Variants in KIAA1328 observed in about 807,000 individuals in gnomAD.
The protein encoded by KIAA1328 is KIAA1328, also known as protein hinderin.
A neutral mutation model predicts 68.1 loss-of-function variants in KIAA1328; 52 were observed. That is an observed-to-expected ratio of 0.76 (90% CI 0.61 to 0.96). The LOEUF (loss-of-function observed/expected upper bound fraction) is 0.96, where lower values mean the gene tolerates loss of function less well. KIAA1328 is among the 40% of genes least tolerant of loss of function. The probability of loss-of-function intolerance (pLI) is 0.00; values close to 1 mark genes in which losing one functional copy is unlikely to be tolerated. For missense variants in KIAA1328, 641 were observed against 677.6 expected, an observed-to-expected ratio of 0.95 and a Z score of 0.60; for synonymous variants, 232 against 239.4, an observed-to-expected ratio of 0.97 and a Z score of 0.28.
intron 1 of KIAA1328, among the ~76,000 whole-genome samples, chr18:36,832,439 A>T (rs1247044451): frequency 1.3e-5 from 2 of 151,896 alleles, no homozygotes; most frequent in East Asian, 1.9e-4. Flanking sequence ...TACAAAAAAA[A>T]TTAGCCAGGT....
At chr18:36,921,095 C>G (rs190921953) in intron 5 of KIAA1328, 1 of 152,318 alleles carries the variant, frequency 6.6e-6, no homozygotes, top group Non-Finnish European at 1.5e-5. Context: ...TCTGTCCTTT[C>G]TCCAACATCT....
rs974444347 is a variant in KIAA1328 at position 36,949,828 on chromosome 18, G to C, written c.449-9480G>C. The stretch of plus-strand genomic sequence containing the variant: ...AGAGCATTGAGTTTTCCACTGTTTT[G>C]TGCTTTATTACCCTCCCCCAATGGA... On this transcript the variant is annotated intron_variant, in intron 5 of 9. Coordinates refer to ENST00000280020, the MANE Select transcript of KIAA1328 (RefSeq NM_020776.3). Among the ~76,000 whole-genome samples, 7 of 40,802 alleles carry C rather than the reference G, an allele frequency of 1.7e-4. No homozygotes were observed. The Admixed American group carries it at 2.2e-3, about 13-fold the overall frequency. The allele number at this position is 40,802 out of a possible 152,430, so 26.8% of individuals were successfully genotyped here.
rs2060599554 is a variant in KIAA1328, at chr18:37,223,435, C to T, written c.*1208C>T. ...AGCTTGCAGTGGTCCCTAGTAGCCT[C>T]TCAAGCTAATGGGGATGATGATCCT... On this transcript the variant is annotated 3_prime_UTR_variant, in exon 10 of 10. Coordinates refer to ENST00000280020, the MANE Select transcript of KIAA1328 (RefSeq NM_020776.3). 1.0e-6 allele frequency: 1 copy of T among 985,314 alleles called. No individual in the cohort carries two copies. Among genetic ancestry groups the T allele is most frequent in the African/African-American group, 1.7e-5 (1 of 57,232 alleles). The allele number at this position is 985,314 out of a possible 1,614,324, so 61.0% of individuals were successfully genotyped here.
intron 1 of KIAA1328, among the ~76,000 whole-genome samples, chr18:36,830,429 C>T (rs1486570931): frequency 6.6e-6 from 1 of 152,150 alleles, no homozygotes; most frequent in Non-Finnish European, 1.5e-5. Context: ...CTGTGGACAA[C>T]TGGGCTGAAT....
rs530942458 is a variant in KIAA1328 at position 37,217,894 on chromosome 18, T to G, written c.1524-4123T>G. Among the ~76,000 whole-genome samples, 6 of 152,338 alleles carry G rather than the reference T, an allele frequency of 3.9e-5. No homozygotes were observed. The East Asian group carries it at 5.8e-4, about 15-fold the overall frequency. On this transcript the variant is annotated intron_variant, in intron 9 of 9. Coordinates refer to ENST00000280020, the MANE Select transcript of KIAA1328 (RefSeq NM_020776.3). ...TTTTACTCTTTTTTCTCTAAACTTCTTGCTTCATTTCATTTGTTATAGCCA... is the reference window on the plus strand; with the variant it reads ...TTTTACTCTTTTTTCTCTAAACTTCGTGCTTCATTTCATTTGTTATAGCCA...
intron 7 of KIAA1328, among the ~76,000 whole-genome samples, chr18:37,098,978 A>T (rs2057508904): frequency 6.6e-6 from 1 of 151,596 alleles, no homozygotes; most frequent in African/African-American, 2.4e-5. Flanking sequence ...CTTCTTTATT[A>T]GTCTTGCTTG....
intron 6 of KIAA1328, among the ~76,000 whole-genome samples, chr18:36,979,462 A>T (rs1226986857): frequency 1.3e-5 from 2 of 152,194 alleles, no homozygotes; most frequent in African/African-American, 4.8e-5. Context: ...ATTTGGATGA[A>T]GATAATAGGA....
chr18:36,860,230 T>TA (rs1353909138), intron 4 of KIAA1328, among the ~76,000 whole-genome samples: 7 of 152,202 alleles, frequency 4.6e-5, no homozygotes, highest in African/African-American at 1.4e-4. Context: ...CATATATGTT[T>TA]AAAAGAATAC....
At chr18:37,155,618 A>T (rs1044452405) in intron 7 of KIAA1328, among the ~76,000 whole-genome samples, 15 of 152,158 alleles carry the variant, frequency 9.9e-5, no homozygotes, top group African/African-American at 3.4e-4. Context: ...CCCATTCTCT[A>T]AATGGTGCCA....
intron 7 of KIAA1328, among the ~76,000 whole-genome samples, chr18:37,148,457 G>C (rs964321669): frequency 2.0e-5 from 3 of 152,046 alleles, no homozygotes; most frequent in African/African-American, 7.2e-5. Flanking sequence ...TGTTATCTTT[G>C]TAATTCAATG....
chr18:36,976,033 A>C (rs770729482), intron 6 of KIAA1328, among the ~76,000 whole-genome samples: 36 of 152,370 alleles, frequency 2.4e-4, no homozygotes, highest in Admixed American at 5.2e-4. Flanking sequence ...CTACCCTGAA[A>C]GAAGAAATCT....
intron 6 of KIAA1328, among the ~76,000 whole-genome samples, chr18:37,056,366 C>G (rs945083855): frequency 6.6e-6 from 1 of 151,392 alleles, no homozygotes; most frequent in Non-Finnish European, 1.5e-5. Flanking sequence ...ATTTATTTAT[C>G]TTCAATATTA....
intron 5 of KIAA1328, among the ~76,000 whole-genome samples, chr18:36,888,427 C>T (rs895697165): frequency 6.6e-6 from 1 of 152,074 alleles, no homozygotes; most frequent in Non-Finnish European, 1.5e-5. Flanking sequence ...GACTTTTAGT[C>T]ATGTGGCATA....
At chr18:37,164,835 G>A (rs2059354329) in intron 8 of KIAA1328, among the ~76,000 whole-genome samples, 1 of 152,094 alleles carries the variant, frequency 6.6e-6, no homozygotes, top group Non-Finnish European at 1.5e-5. Context: ...TCTAATTGAG[G>A]TTTAATGTAT....
intron 5 of KIAA1328, among the ~76,000 whole-genome samples, chr18:36,899,708 G>C (rs1289728700): frequency 1.3e-5 from 2 of 151,950 alleles, no homozygotes; most frequent in African/African-American, 4.8e-5. Flanking sequence ...GAATGAAGTG[G>C]ATCAGTTAAA....
At chr18:37,138,980 G>A (rs1699047) in intron 7 of KIAA1328, among the ~76,000 whole-genome samples, 3 of 104,126 alleles carry the variant, frequency 2.9e-5, no homozygotes, top group African/African-American at 3.9e-5. Flanking sequence ...TTTTTGAGAC[G>A]AAGTCTCGCT....
chr18:36,882,312 G>A (rs939799597), intron 4 of KIAA1328, among the ~76,000 whole-genome samples: 10 of 152,066 alleles, frequency 6.6e-5, no homozygotes, highest in African/African-American at 2.4e-4. Context: ...AGAATACTTA[G>A]ATGAAAAATA....
At chr18:37,064,022 A>T (rs924895781) in intron 6 of KIAA1328, among the ~76,000 whole-genome samples, 3 of 152,220 alleles carry the variant, frequency 2.0e-5, no homozygotes, top group African/African-American at 7.2e-5. Context: ...AAATGTTTGT[A>T]CTGGCAGTAA....
intron 9 of KIAA1328, among the ~76,000 whole-genome samples, chr18:37,188,199 G>T (rs1182129750): frequency 6.6e-6 from 1 of 152,178 alleles, no homozygotes; most frequent in Non-Finnish European, 1.5e-5. Context: ...TCAGAGGGGA[G>T]TCCTTAGTCA....
Sources: allele counts gnomAD v4.1 joint callset (sites outside exome capture counted in the v4.1 genomes callset), GRCh38; gene constraint gnomAD v4.1.1; transcripts MANE v1.5; gene names NCBI Gene and HGNC (gene_info 2026-07-23, HGNC 2026-07-21).